Variants in HCN1 observed in about 807,000 individuals in gnomAD.
HCN1 encodes potassium/sodium hyperpolarization-activated cyclic nucleotide-gated channel 1.
A neutral mutation model predicts 78.9 loss-of-function variants in HCN1; 13 were observed. The observed-to-expected ratio is 0.16, with a 90% CI of 0.11 to 0.26. The LOEUF (loss-of-function observed/expected upper bound fraction) is 0.26. Among genes scored for constraint, HCN1 ranks in the 10% least tolerant of loss-of-function variants. The probability of loss-of-function intolerance (pLI) is 1.00; values close to 1 mark genes in which losing one functional copy is unlikely to be tolerated. For missense variants in HCN1, 810 were observed against 1,154.3 expected, an observed-to-expected ratio of 0.70 and a Z score of 4.32; for synonymous variants, 552 against 455.5, an observed-to-expected ratio of 1.21 and a Z score of -2.70.
At chr5:45,285,890 A>G (rs1701560494) in intron 6 of HCN1, among the ~76,000 whole-genome samples, 1 of 151,974 alleles carries the variant, frequency 6.6e-6, no homozygotes, top group African/African-American at 2.4e-5. Flanking sequence ...GCACCTTATG[A>G]TTATCTTATA....
chr5:45,576,238 G>A (rs1735175260), intron 2 of HCN1: 1 of 152,092 alleles, frequency 6.6e-6, no homozygotes, highest in Non-Finnish European at 1.5e-5. Context: ...GTTGCTTATA[G>A]ATAAGTGAAG....
At chr5:45,266,130 A>G (rs933112295) in intron 7 of HCN1, among the ~76,000 whole-genome samples, 10 of 152,334 alleles carry the variant, frequency 6.6e-5, no homozygotes, top group African/African-American at 2.2e-4. Context: ...CAGCAAGCCA[A>G]TCCAAGCTAA....
chr5:45,322,238 G>T (rs1319292947), intron 5 of HCN1, among the ~76,000 whole-genome samples: 4 of 151,838 alleles, frequency 2.6e-5, no homozygotes, highest in Admixed American at 6.6e-5. Flanking sequence ...GCTTTGGGTG[G>T]CTGTCCTAAA....
chr5:45,267,151 T>G lies in HCN1; in HGVS notation c.1721A>C (p.Glu574Ala). 1 of 1,613,968 alleles carries G rather than the reference T, an allele frequency of 6.2e-7. No homozygotes were observed. Among genetic ancestry groups the G allele is most frequent in the Non-Finnish European group, 8.5e-7 (1 of 1,179,862 alleles). ...LSVDNFNEVL[E>A]EYPMMRRAFE... Reference sequence around the variant, plus strand: ...GGCTCTCCTCATCATTGGATATTCCTCCAGGACCTCGTTGAAATTGTCCAC... The same window carrying G: ...GGCTCTCCTCATCATTGGATATTCCGCCAGGACCTCGTTGAAATTGTCCAC... Residue 574 changes from glutamate to alanine, a missense_variant, in exon 7 of 8, where the codon GAG (glutamate) becomes GCG (alanine). By Grantham distance (107) the Glu-to-Ala change is moderately radical. Coordinates refer to ENST00000303230, the MANE Select transcript of HCN1 (RefSeq NM_021072.4).
At chr5:45,303,880 A>C (rs1413590743) in intron 5 of HCN1, 41 bp from the exon 6 acceptor site, 2 of 1,559,858 alleles carry the variant, frequency 1.3e-6, no homozygotes, top group Non-Finnish European at 1.8e-6. Flanking sequence ...GAGAGATATT[A>C]ATCATATCTG....
chr5:45,449,525 T>C (rs530354624), intron 3 of HCN1, among the ~76,000 whole-genome samples: 1 of 152,294 alleles, frequency 6.6e-6, no homozygotes, highest in South Asian at 2.1e-4. Context: ...TTTCCAGTTC[T>C]AAGGTGTGCC....
At chr5:45,342,957 G>A (rs529261748) in intron 5 of HCN1, among the ~76,000 whole-genome samples, 31 of 152,042 alleles carry the variant, frequency 2.0e-4, no homozygotes, top group Non-Finnish European at 3.1e-4. Flanking sequence ...CTTATATTAC[G>A]GACTAAGTAC....
In HCN1 at chr5:45,495,892, C is replaced by T. The variant is rs1211404544; in HGVS notation, c.850-33885G>A. On this transcript the variant is annotated intron_variant, in intron 2 of 7. Coordinates refer to ENST00000303230, the MANE Select transcript of HCN1 (RefSeq NM_021072.4). Reference sequence around the variant, plus strand: ...TTTGGTCTTTGGTTCTGTTTATATGCTGGATTACATTTATTGATTTGCGTA... The same window carrying T: ...TTTGGTCTTTGGTTCTGTTTATATGTTGGATTACATTTATTGATTTGCGTA... Among the ~76,000 whole-genome samples the T allele has an allele frequency of 3.2e-4, 49 of 152,200 alleles. No homozygotes were observed. The East Asian group carries it at 8.7e-3, about 27-fold the overall frequency.
chr5:45,256,152 C>G lies in HCN1; in HGVS notation c.*5769G>C, dbSNP rs1451533353. On this transcript the variant is annotated 3_prime_UTR_variant, in exon 8 of 8. Transcript: ENST00000303230. ...TCTGGAGGGTGAGGCGGGCGGATCA[C>G]TTGAGGTTAGGGGTTCGAGACCGGC... 6.6e-6 allele frequency: 1 copy of G among 152,002 alleles called. No individual in the cohort carries two copies. Among genetic ancestry groups the G allele is most frequent in the East Asian group, 1.9e-4 (1 of 5,172 alleles). 9.4% of individuals were successfully genotyped at this position (152,002 alleles called of 1,614,324 possible). A position where few individuals can be genotyped will look rare whatever the true frequency, so the allele number is the denominator to read the frequency against.
At chr5:45,292,687 T>C (rs578226328) in intron 6 of HCN1, among the ~76,000 whole-genome samples, 6 of 152,086 alleles carry the variant, frequency 3.9e-5, no homozygotes, top group African/African-American at 1.2e-4. Flanking sequence ...TCTCAAAGAA[T>C]GAGAATAATA....
chr5:45,378,980 C>T (rs1747748171), intron 4 of HCN1, among the ~76,000 whole-genome samples: 1 of 152,060 alleles, frequency 6.6e-6, no homozygotes, highest in African/African-American at 2.4e-5. Flanking sequence ...CATAGTATTC[C>T]ATGGTGTATA....
chr5:45,271,995 A>G (rs1027947749), intron 6 of HCN1, among the ~76,000 whole-genome samples: 7 of 152,258 alleles, frequency 4.6e-5, no homozygotes, highest in Admixed American at 3.3e-4. Flanking sequence ...TATGAAAAAC[A>G]CTTAAAATAA....
At chr5:45,530,554 T>C (rs1349015510) in intron 2 of HCN1, among the ~76,000 whole-genome samples, 1 of 151,958 alleles carries the variant, frequency 6.6e-6, no homozygotes, top group East Asian at 1.9e-4. Context: ...AGAATCCTAA[T>C]ATGAATTCTA....
At chr5:45,551,342 A>G (rs1743365030) in intron 2 of HCN1, among the ~76,000 whole-genome samples, 1 of 151,978 alleles carries the variant, frequency 6.6e-6, no homozygotes, top group Non-Finnish European at 1.5e-5. Context: ...GCACATGAAC[A>G]AATGAAAACA....
intron 6 of HCN1, among the ~76,000 whole-genome samples, chr5:45,271,754 C>G (rs916986916): frequency 1.3e-5 from 2 of 152,056 alleles, no homozygotes; most frequent in African/African-American, 4.8e-5. Context: ...ATTATTTAAT[C>G]ACCTACAAAA....
intron 4 of HCN1, among the ~76,000 whole-genome samples, chr5:45,368,246 T>C (rs989921146): frequency 6.6e-6 from 1 of 152,040 alleles, no homozygotes; most frequent in Non-Finnish European, 1.5e-5. Context: ...AATTTGATCT[T>C]TTCTTCTATT....
At chr5:45,390,538 T>C (rs1739531916) in intron 4 of HCN1, among the ~76,000 whole-genome samples, 1 of 152,142 alleles carries the variant, frequency 6.6e-6, no homozygotes, top group South Asian at 2.1e-4. Context: ...AATTAAGGTT[T>C]AGTATGGAGA....
intron 4 of HCN1, among the ~76,000 whole-genome samples, chr5:45,366,234 G>C (rs963988134): frequency 6.6e-6 from 1 of 150,628 alleles, no homozygotes; most frequent in African/African-American, 2.4e-5. Flanking sequence ...TGTGTGTGTG[G>C]TAATTCTTCA....
chr5:45,301,286 ATAC>A (rs1194989634), intron 6 of HCN1, among the ~76,000 whole-genome samples: 1 of 142,054 alleles, frequency 7.0e-6, no homozygotes, highest in East Asian at 2.2e-4. Context: ...ATTTCATATT[ATAC>A]TCACAAATAT....
Sources: gnomAD v4.1 joint callset for allele counts (sites outside exome capture counted in the v4.1 genomes callset) on GRCh38, gnomAD v4.1.1 for gene constraint, MANE v1.5 for transcripts, NCBI Gene and HGNC (gene_info 2026-07-23, HGNC 2026-07-21) for gene names.